MIA2: variants seen among roughly 807,000 people sequenced by gnomAD.
MIA2 encodes the protein melanoma inhibitory activity protein 2.
MIA2 carries 127 observed loss-of-function variants against 167.8 expected under a neutral mutation model. The observed-to-expected ratio is 0.76, with a 90% CI of 0.66 to 0.88. The LOEUF (loss-of-function observed/expected upper bound fraction) is 0.88, where lower values mean the gene tolerates loss of function less well. MIA2 is among the 40% of genes least tolerant of loss of function. The pLI, the probability that MIA2 is intolerant of heterozygous loss-of-function variation, is 0.00. For synonymous variants in MIA2, 552 were observed against 541.9 expected, an observed-to-expected ratio of 1.02 and a Z score of -0.26; for missense variants, 1,690 against 1,624.7, an observed-to-expected ratio of 1.04 and a Z score of -0.69.
intron 6 of MIA2, chr14:39,266,653 C>T (rs61739458): frequency 1.0e-6 from 1 of 985,586 alleles, no homozygotes; most frequent in Non-Finnish European, 1.2e-6. Context: ...CAGGGCGCAC[C>T]GGCGCGTGCC....
At chr14:39,252,145 G>C (rs963529761) in intron 4 of MIA2, among the ~76,000 whole-genome samples, 1 of 152,086 alleles carries the variant, frequency 6.6e-6, no homozygotes. Flanking sequence ...AGGCTATGTA[G>C]TAGGCTGAAT....
chr14:39,347,266 TTGA>T (rs2073478286), intron 26 of MIA2, among the ~76,000 whole-genome samples: 1 of 152,196 alleles, frequency 6.6e-6, no homozygotes, highest in South Asian at 2.1e-4. Flanking sequence ...ATTGCATTTC[TTGA>T]TGATAACAAA....
intron 9 of MIA2, among the ~76,000 whole-genome samples, chr14:39,285,982 C>T (rs1208115353): frequency 5.3e-5 from 8 of 151,956 alleles, no homozygotes; most frequent in Non-Finnish European, 1.2e-4. Context: ...GGCAGAGGGG[C>T]TCCTCACATC....
At chr14:39,238,804 A>ACAAAACAAAAC (rs1336026910) in intron 2 of MIA2, among the ~76,000 whole-genome samples, 1 of 91,540 alleles carries the variant, frequency 1.1e-5, no homozygotes, top group African/African-American at 4.3e-5. Flanking sequence ...AAAAAAAAAA[A>ACAAAACAAAAC]AAAAAAACCC....
At chr14:39,360,046 G>T (rs1439618097) in intron 23 of MIA2, among the ~76,000 whole-genome samples, 1 of 149,482 alleles carries the variant, frequency 6.7e-6, no homozygotes, top group Non-Finnish European at 1.5e-5. Context: ...AGACGCAGTG[G>T]CTCATGCCTG....
intron 23 of MIA2, among the ~76,000 whole-genome samples, chr14:39,356,489 CT>C (rs1042663231): frequency 6.6e-6 from 1 of 152,110 alleles, no homozygotes; most frequent in African/African-American, 2.4e-5. Flanking sequence ...TGTTGTTGAT[CT>C]TTTCAAAAAA....
intron 3 of MIA2, among the ~76,000 whole-genome samples, chr14:39,246,316 C>G (rs916113304): frequency 6.6e-6 from 1 of 151,556 alleles, no homozygotes; most frequent in Non-Finnish European, 1.5e-5. Context: ...AGGCTGGTCT[C>G]GAACTCCTAA....
At chr14:39,297,240 T>G (rs1390293494) in intron 13 of MIA2, among the ~76,000 whole-genome samples, 1 of 152,036 alleles carries the variant, frequency 6.6e-6, no homozygotes, top group Non-Finnish European at 1.5e-5. Context: ...ATTGCAGGCA[T>G]GTACCACCAT....
chr14:39,255,514 A>G (rs1704131158), intron 6 of MIA2, among the ~76,000 whole-genome samples: 1 of 152,200 alleles, frequency 6.6e-6, no homozygotes, highest in Admixed American at 6.5e-5. Context: ...TCTCAAACAA[A>G]CAAACAAAAC....
intron 21 of MIA2, among the ~76,000 whole-genome samples, chr14:39,317,072 A>C (rs1306153047): frequency 3.3e-5 from 5 of 152,198 alleles, no homozygotes; most frequent in African/African-American, 1.2e-4. Flanking sequence ...ACAGTTAAGC[A>C]GTTGGATATA....
At position 39,369,258 on chromosome 14, in the gene MIA2, C is replaced by T. The variant is rs188906672; in HGVS notation, c.2249-17627C>T. Among the ~76,000 whole-genome samples the T allele has an allele frequency of 4.4e-3, 668 of 152,134 alleles. 2 individuals are homozygous for T. The highest frequency in any genetic ancestry group is 7.2e-3 in the Non-Finnish European group (487 of 68,004). ...GGCAGGGTGAAGGCTGTTCAGATGCCGGAAAGAGATCTAGTCACACTAGAA... is the reference window on the plus strand; with the variant it reads ...GGCAGGGTGAAGGCTGTTCAGATGCTGGAAAGAGATCTAGTCACACTAGAA... On this transcript the variant is annotated intron_variant, in intron 23 of 23. Transcript: ENST00000341502.
At chr14:39,352,199 CTTT>C (rs11392444), downstream of MIA2, among the ~76,000 whole-genome samples, 2 of 133,054 alleles carry the variant, frequency 1.5e-5, no homozygotes, top group Admixed American at 7.6e-5. Flanking sequence ...TTGTTTTTGG[CTTT>C]TTTTTTTTTT....
chr14:39,262,724 C>T (rs1372367717), intron 6 of MIA2, among the ~76,000 whole-genome samples: 14 of 152,168 alleles, frequency 9.2e-5, no homozygotes, highest in Non-Finnish European at 1.5e-5. Flanking sequence ...TTGAAGAGGT[C>T]CTTCACATCC....
chr14:39,350,408 A>T lies in MIA2; in HGVS notation c.*144A>T, dbSNP rs2074260095. 1 of 454,234 alleles carries T rather than the reference A, an allele frequency of 2.2e-6. No individual in the cohort carries two copies. The highest frequency in any genetic ancestry group is 4.0e-6 in the Non-Finnish European group (1 of 251,760). 28.1% of individuals were successfully genotyped at this position (454,234 alleles called of 1,614,324 possible). ...TCAGGATAGTATTTTGTAAATAAAG[A>T]TGATTTAAATATGAATCTTATGAGT... On this transcript the variant is annotated 3_prime_UTR_variant, in exon 29 of 29. Transcript: ENST00000640607.
intron 4 of MIA2, among the ~76,000 whole-genome samples, chr14:39,250,104 A>G (rs1221681244): frequency 6.6e-6 from 1 of 152,220 alleles, no homozygotes; most frequent in Non-Finnish European, 1.5e-5. Flanking sequence ...TCCTAAAGGA[A>G]TATTTATGAA....
At chr14:39,372,323 G>T (rs1407099756) in intron 23 of MIA2, among the ~76,000 whole-genome samples, 1 of 152,112 alleles carries the variant, frequency 6.6e-6, no homozygotes, top group East Asian at 1.9e-4. Flanking sequence ...GTTGATGCAG[G>T]ATAAATATGA....
At position 39,373,503 on chromosome 14, in the gene MIA2, T is replaced by C. The variant is rs376895881; in HGVS notation, c.2249-13382T>C. On this transcript the variant is annotated intron_variant, in intron 23 of 23. Coordinates refer to the MIA2 transcript ENST00000341502. ...ATGAAACAGGCTGAGGTATCGTTGA[T>C]AAGAATCCATTAGGATGTGTAGAAA... is the stretch of plus-strand genomic sequence containing the variant. Among the ~76,000 whole-genome samples the C allele has an allele frequency of 1.2e-4, 19 of 152,290 alleles. No homozygotes were observed. The East Asian group carries it at 3.1e-3, about 25-fold the overall frequency.
intron 13 of MIA2, among the ~76,000 whole-genome samples, chr14:39,298,548 T>TTTTG (rs1566804761): frequency 2.1e-5 from 3 of 141,214 alleles, no homozygotes; most frequent in Non-Finnish European, 4.6e-5. Context: ...TTTTTTTTTT[T>TTTTG]TTTTTTGTGA....
rs1291792793 is a variant in MIA2, at chr14:39,326,985, A to G, written c.3618A>G (p.Pro1206=). ...CTGACACTGGGTCTCTGTCACCTCC[A>G]TGGGACCAGGACCGTAGGATGATGT... ...APSDTGSLSP[P]WDQDRRMMFP... The change falls in exon 25 of 29, where the codon CCA becomes CCG. Residue 1206 remains proline, a synonymous_variant. Coordinates refer to ENST00000640607, the MANE Select transcript of MIA2 (RefSeq NM_001329214.4). 9 of 1,574,814 alleles carry G rather than the reference A, an allele frequency of 5.7e-6. No homozygotes were observed. Among genetic ancestry groups the G allele is most frequent in the South Asian group, 1.2e-5 (1 of 84,092 alleles).
Sources: gnomAD v4.1 joint callset for allele counts (sites outside exome capture counted in the v4.1 genomes callset) on GRCh38, gnomAD v4.1.1 for gene constraint, MANE v1.5 for transcripts, NCBI Gene and HGNC (gene_info 2026-07-23, HGNC 2026-07-21) for gene names.